KANK1: variants seen among roughly 807,000 people sequenced by gnomAD.
KANK1 encodes the protein KN motif and ankyrin repeat domain-containing protein 1.
KANK1 carries 109 observed loss-of-function variants against 106.2 expected under a neutral mutation model. The observed-to-expected ratio is 1.03, with a 90% CI of 0.88 to 1.20. KANK1 has a LOEUF of 1.20. Among genes scored for constraint, KANK1 ranks in the 50% most tolerant of loss-of-function variants. The probability of loss-of-function intolerance (pLI) is 0.00; values close to 1 mark genes in which losing one functional copy is unlikely to be tolerated. For missense variants in KANK1, 2,399 were observed against 1,710.7 expected, an observed-to-expected ratio of 1.40 and a Z score of -7.10; for synonymous variants, 873 against 652.2, an observed-to-expected ratio of 1.34 and a Z score of -5.16.
At chr9:617,481 C>G (rs1832120018) in intron 1 of KANK1, among the ~76,000 whole-genome samples, 3 of 152,156 alleles carry the variant, frequency 2.0e-5, no homozygotes, top group Admixed American at 2.0e-4. Context: ...CTTTTGCTGT[C>G]TGGCCAAAGA....
chr9:604,102 A>C (rs1271418829), intron 1 of KANK1, among the ~76,000 whole-genome samples: 2 of 151,770 alleles, frequency 1.3e-5, no homozygotes, highest in African/African-American at 4.9e-5. Flanking sequence ...GTTCATAATA[A>C]ATTAGTGTCT....
At chr9:573,533 G>T (rs1245685806) in intron 1 of KANK1, among the ~76,000 whole-genome samples, 1 of 152,086 alleles carries the variant, frequency 6.6e-6, no homozygotes, top group Non-Finnish European at 1.5e-5. Context: ...GCCTCCCAAA[G>T]TGCTGGGATT....
At chr9:525,979 T>G (rs555814908) in intron 1 of KANK1, among the ~76,000 whole-genome samples, 8 of 151,830 alleles carry the variant, frequency 5.3e-5, no homozygotes, top group Non-Finnish European at 1.0e-4. Context: ...CCTGAAGCCA[T>G]TGACAAATTA....
intron 2 of KANK1, among the ~76,000 whole-genome samples, chr9:687,313 G>T (rs1818806577): frequency 6.6e-6 from 1 of 152,108 alleles, no homozygotes; most frequent in Non-Finnish European, 1.5e-5. Context: ...CAAGATTAAG[G>T]ATCATTGAGC....
At chr9:726,289 G>T (rs1308212650) in intron 3 of KANK1, among the ~76,000 whole-genome samples, 1 of 152,170 alleles carries the variant, frequency 6.6e-6, no homozygotes, top group Non-Finnish European at 1.5e-5. Context: ...CCGCTGATTT[G>T]TGTGATGTAT....
intron 1 of KANK1, among the ~76,000 whole-genome samples, chr9:578,607 A>G (rs1821222735): frequency 1.3e-5 from 2 of 152,140 alleles, no homozygotes; most frequent in East Asian, 1.9e-4. Flanking sequence ...TAAAAAATAA[A>G]TATGTAAACA....
At chr9:505,397 G>A (rs1450395014) in intron 1 of KANK1, among the ~76,000 whole-genome samples, 1 of 152,232 alleles carries the variant, frequency 6.6e-6, no homozygotes, top group Non-Finnish European at 1.5e-5. Flanking sequence ...GGCCCAACCC[G>A]GCGCGGGCAG....
At chr9:616,416 G>C (rs1029417226) in intron 1 of KANK1, among the ~76,000 whole-genome samples, 1 of 152,152 alleles carries the variant, frequency 6.6e-6, no homozygotes, top group Non-Finnish European at 1.5e-5. Flanking sequence ...TGCATAGCCA[G>C]ATCTTTAATT....
intron 1 of KANK1, among the ~76,000 whole-genome samples, chr9:552,377 A>G (rs1043406847): frequency 4.6e-5 from 7 of 152,096 alleles, no homozygotes; most frequent in Non-Finnish European, 1.0e-4. Context: ...CCAAGACTCA[A>G]ACTCATTTTT....
At chr9:588,368 A>G (rs1406792612) in intron 1 of KANK1, among the ~76,000 whole-genome samples, 3 of 152,198 alleles carry the variant, frequency 2.0e-5, no homozygotes, top group African/African-American at 7.2e-5. Context: ...AACATCTGTC[A>G]TGCACATCTA....
At chr9:659,157 G>A (rs1050335091) in intron 1 of KANK1, among the ~76,000 whole-genome samples, 1 of 152,168 alleles carries the variant, frequency 6.6e-6, no homozygotes, top group Admixed American at 6.5e-5. Flanking sequence ...CCTATTACAT[G>A]CTGAGTTCTC....
rs542787641 is a variant in KANK1 at position 636,736 on chromosome 9, G to T, written c.-83-40154G>T. Among the ~76,000 whole-genome samples, 5 of 152,310 alleles carry T rather than the reference G, an allele frequency of 3.3e-5. No homozygotes were observed. The South Asian group carries it at 1.0e-3, about 32-fold the overall frequency. ...CAAAAAATTAGCCAGATATGGTGGT[G>T]TGTGCTTGTAATCCCAGCTACTCAG... On this transcript the variant is annotated intron_variant, in intron 1 of 11. Coordinates refer to ENST00000382297, the MANE Select transcript of KANK1 (RefSeq NM_015158.5).
At chr9:726,555 C>G (rs887953425) in intron 3 of KANK1, among the ~76,000 whole-genome samples, 1 of 151,782 alleles carries the variant, frequency 6.6e-6, no homozygotes, top group Non-Finnish European at 1.5e-5. Context: ...AGGAGAATCG[C>G]TTAAACCGGG....
upstream of KANK1, among the ~76,000 whole-genome samples, chr9:503,586 T>C (rs557718630): frequency 8.5e-5 from 13 of 152,292 alleles, no homozygotes; most frequent in Non-Finnish European, 1.6e-4. Flanking sequence ...TGAGCGTGTG[T>C]AACGCCCTGC....
intron 1 of KANK1, among the ~76,000 whole-genome samples, chr9:634,789 A>G (rs940531828): frequency 1.3e-5 from 2 of 152,204 alleles, no homozygotes; most frequent in African/African-American, 4.8e-5. Context: ...GATTTCTCTC[A>G]ATGTCATCAT....
chr9:731,347 G>T, intron 5 of KANK1, 81 bp downstream of exon 5: 1 of 796,114 alleles, frequency 1.3e-6, no homozygotes, highest in Non-Finnish European at 2.1e-6. Flanking sequence ...AAGGCGCCTA[G>T]TCGGGGAAGC....
At chr9:651,133 T>C (rs1282096154) in intron 1 of KANK1, among the ~76,000 whole-genome samples, 2 of 152,196 alleles carry the variant, frequency 1.3e-5, no homozygotes, top group East Asian at 3.8e-4. Flanking sequence ...ACCCCTTCAA[T>C]TGTTAAAGCA....
chr9:653,710 G>A (rs1396090530), intron 1 of KANK1, among the ~76,000 whole-genome samples: 1 of 152,106 alleles, frequency 6.6e-6, no homozygotes, highest in African/African-American at 2.4e-5. Context: ...GCATTTGGAG[G>A]TAACAGAACT....
chr9:646,035 G>T (rs1839598357), intron 1 of KANK1, among the ~76,000 whole-genome samples: 1 of 150,832 alleles, frequency 6.6e-6, no homozygotes, highest in African/African-American at 2.5e-5. Context: ...TAGACCCATG[G>T]AGCTGATAGT....
Sources: allele counts gnomAD v4.1 joint callset (sites outside exome capture counted in the v4.1 genomes callset), GRCh38; gene constraint gnomAD v4.1.1; transcripts MANE v1.5; gene names NCBI Gene and HGNC (gene_info 2026-07-23, HGNC 2026-07-21).